The following NBEAL1 variants were observed in gnomAD, a reference collection of about 807,000 sequenced individuals.
NBEAL1 encodes neurobeachin-like protein 1.
NBEAL1 carries 273 observed loss-of-function variants against 351.3 expected under a neutral mutation model. The ratio of observed to expected loss-of-function variants is 0.78; its 90% CI spans 0.70 to 0.86. The LOEUF is 0.86. Among genes scored for constraint, NBEAL1 ranks in the 40% least tolerant of loss-of-function variants. The pLI is 0.00. For missense variants in NBEAL1, 2,961 were observed against 3,201.3 expected, an observed-to-expected ratio of 0.92 and a Z score of 1.81; for synonymous variants, 1,050 against 1,086.4, an observed-to-expected ratio of 0.97 and a Z score of 0.66.
chr2:203,020,032 AATTGAT>A, intron 2 of NBEAL1, among the ~76,000 whole-genome samples: 1 of 151,996 alleles, frequency 6.6e-6, no homozygotes, highest in Non-Finnish European at 1.5e-5. Context: ...AAATAATTTT[AATTGAT>A]AATAATTTTA....
At chr2:203,023,553 A>G (rs1367086227) in intron 2 of NBEAL1, among the ~76,000 whole-genome samples, 1 of 151,954 alleles carries the variant, frequency 6.6e-6, no homozygotes. Flanking sequence ...CTTAAGTGTA[A>G]GTGTGGAGTA....
At position 203,169,857 on chromosome 2, in the gene NBEAL1, A is replaced by T. The variant is rs1212373496; in HGVS notation, c.6102+6A>T. The T allele has an allele frequency of 6.7e-7, 1 of 1,491,630 alleles. No individual in the cohort carries two copies. Among genetic ancestry groups the T allele is most frequent in the Non-Finnish European group, 9.3e-7 (1 of 1,077,362 alleles). 92.4% of individuals were successfully genotyped at this position (1,491,630 alleles called of 1,614,324 possible). On this transcript the variant is annotated splice_donor_region_variant and intron_variant, in intron 39 of 55. Coordinates refer to ENST00000683969, the MANE Select transcript of NBEAL1 (RefSeq NM_001378026.1). ...AAGCATCAGGATTGACACAGGTAGG[A>T]AATTGTAATAGTCTCTAATGAACTG... is the stretch of plus-strand genomic sequence containing the variant.
chr2:203,107,642 T>G lies in NBEAL1; in HGVS notation c.1403T>G (p.Leu468Trp), dbSNP rs1487787219. The G allele has an allele frequency of 2.6e-6, 4 of 1,552,406 alleles. No individual in the cohort carries two copies. Among genetic ancestry groups the G allele is most frequent in the Middle Eastern group, 1.7e-4 (1 of 5,994 alleles). ...VEGDHTSVGI[L>W]GISNVQPLLL... ...GGTGACCACACTTCAGTTGGGATTT[T>G]GGGCATTAGTAATGTCCAACCTCTC... The change falls in exon 14 of 56, where the codon TTG becomes TGG. Residue 468 changes from leucine (L) to tryptophan (W), a missense_variant. Leu to Trp is a moderately conservative substitution (Grantham distance 61). Coordinates refer to ENST00000683969, the MANE Select transcript of NBEAL1 (RefSeq NM_001378026.1).
intron 38 of NBEAL1, among the ~76,000 whole-genome samples, chr2:203,168,545 T>C (rs1408629825): frequency 6.6e-6 from 1 of 152,106 alleles, no homozygotes; most frequent in African/African-American, 2.4e-5. Flanking sequence ...ATCACGCTAT[T>C]GCACTCCAGC....
At chr2:203,208,005 G>A (rs2065659217) in intron 51 of NBEAL1, among the ~76,000 whole-genome samples, 1 of 152,184 alleles carries the variant, frequency 6.6e-6, no homozygotes, top group Non-Finnish European at 1.5e-5. Context: ...TATTCAGCCG[G>A]ACATGGTGGC....
At chr2:203,204,010 C>A (rs1259905165) in intron 51 of NBEAL1, among the ~76,000 whole-genome samples, 1 of 151,272 alleles carries the variant, frequency 6.6e-6, no homozygotes, top group African/African-American at 2.4e-5. Context: ...CTCACTGCAA[C>A]CTCCACCTCC....
chr2:203,066,282 C>T (rs1226883198), intron 6 of NBEAL1, among the ~76,000 whole-genome samples: 1 of 150,184 alleles, frequency 6.7e-6, no homozygotes, highest in Non-Finnish European at 1.5e-5. Flanking sequence ...TGGAAATAAT[C>T]TCGTGGAAAA....
Position 203,032,383 on chromosome 2 carries a change from C to G in NBEAL1, c.52-9382C>G, listed in dbSNP as rs576163441. On this transcript the variant is annotated intron_variant, in intron 2 of 55. Transcript: ENST00000683969. ...GTTTAAGAAGATAAGAACAGCTGGG[C>G]ACGGTGGCTCACACCTGTAATCCCA... 8.5e-5 allele frequency among the ~76,000 whole-genome samples: 13 copies of G among 152,204 alleles called. No homozygotes were observed. In the South Asian group the frequency reaches 2.7e-3, roughly 32 times the overall value.
At chr2:203,197,852 T>C (rs774407867) in intron 48 of NBEAL1, among the ~76,000 whole-genome samples, 24 of 151,930 alleles carry the variant, frequency 1.6e-4, no homozygotes, top group Non-Finnish European at 2.6e-4. Context: ...GAGGTTGCAG[T>C]GAGCCAAGAT....
chr2:203,097,514 T>C, intron 10 of NBEAL1, 33 bp from the exon 11 acceptor site: 1 of 890,930 alleles, frequency 1.1e-6, no homozygotes, highest in Non-Finnish European at 1.3e-6. Context: ...TTTAATGTTC[T>C]TTCTCCATTA....
intron 51 of NBEAL1, among the ~76,000 whole-genome samples, chr2:203,204,939 C>T (rs1282092203): frequency 1.3e-5 from 2 of 152,152 alleles, no homozygotes; most frequent in African/African-American, 2.4e-5. Context: ...GTAGATAATA[C>T]AATCATGTGA....
At chr2:203,198,992 A>G (rs1477381525) in intron 48 of NBEAL1, among the ~76,000 whole-genome samples, 1 of 151,914 alleles carries the variant, frequency 6.6e-6, no homozygotes, top group Admixed American at 6.6e-5. Context: ...GTTGGAGACT[A>G]GCTTGGGCAA....
chr2:203,108,588 A>G (rs2062492341), intron 14 of NBEAL1, among the ~76,000 whole-genome samples: 2 of 151,406 alleles, frequency 1.3e-5, no homozygotes, highest in Admixed American at 6.6e-5. Context: ...TTTTTTTCGT[A>G]GAGATGGGGT....
intron 53 of NBEAL1, among the ~76,000 whole-genome samples, chr2:203,210,362 C>CAA (rs35856692): frequency 0.021 from 2,089 of 100,414 alleles, 68 homozygotes; most frequent in African/African-American, 0.073. Context: ...GACATGGCCT[C>CAA]AAAAAAAAAA....
chr2:203,108,057 A>G lies in NBEAL1; in HGVS notation c.1818A>G (p.Ala606=). 1.3e-6 allele frequency: 2 copies of G among 1,552,828 alleles called. No individual in the cohort carries two copies. Among genetic ancestry groups the G allele is most frequent in the Non-Finnish European group, 1.7e-6 (2 of 1,147,320 alleles). Reference sequence around the variant, plus strand: ...ATTTCAATTTGTCACATAGTATGGCAGGAATTTCTGTGCCTCCCATACAGA... The same window carrying G: ...ATTTCAATTTGTCACATAGTATGGCGGGAATTTCTGTGCCTCCCATACAGA... The part of the protein sequence containing the change: ...LQYFNLSHSM[A]GISVPPIQKW... The change falls in exon 14 of 56, where the codon GCA becomes GCG. Residue 606 remains alanine (A), a synonymous_variant. Coordinates refer to ENST00000683969, the MANE Select transcript of NBEAL1 (RefSeq NM_001378026.1).
intron 36 of NBEAL1, among the ~76,000 whole-genome samples, chr2:203,161,326 CAAA>C (rs1174377516): frequency 3.1e-5 from 2 of 64,780 alleles, no homozygotes; most frequent in Non-Finnish European, 6.1e-5. Context: ...GACTCCATCT[CAAA>C]AAAAAAAAAA....
chr2:203,050,249 GAAAA>G (rs1215404965), intron 4 of NBEAL1: 1 of 210,132 alleles, frequency 4.8e-6, no homozygotes, highest in East Asian at 1.0e-4. Context: ...AAGAAAAAAA[GAAAA>G]AATAAGCTAA....
At chr2:203,059,503 C>T (rs748722824) in intron 6 of NBEAL1, among the ~76,000 whole-genome samples, 3 of 152,206 alleles carry the variant, frequency 2.0e-5, no homozygotes, top group Non-Finnish European at 2.9e-5. Context: ...TGAAAGGTGT[C>T]AAATTGGCAA....
At chr2:203,138,939 C>T (rs1337627131) in intron 31 of NBEAL1, among the ~76,000 whole-genome samples, 191 bp downstream of exon 31, 1 of 152,094 alleles carries the variant, frequency 6.6e-6, no homozygotes, top group Non-Finnish European at 1.5e-5. Flanking sequence ...ATATTAATAA[C>T]TTTATATAAT....
Sources: allele counts gnomAD v4.1 joint callset (sites outside exome capture counted in the v4.1 genomes callset), GRCh38; gene constraint gnomAD v4.1.1; transcripts MANE v1.5; gene names NCBI Gene and HGNC (gene_info 2026-07-23, HGNC 2026-07-21).